Variants in MPRIP observed in about 807,000 individuals in gnomAD.
MPRIP encodes the protein myosin phosphatase Rho-interacting protein.
MPRIP carries 59 observed loss-of-function variants against 234.9 expected under a neutral mutation model. That is an observed-to-expected ratio of 0.25 (90% CI 0.20 to 0.31). The LOEUF (loss-of-function observed/expected upper bound fraction) is 0.31, where lower values mean the gene tolerates loss of function less well. Ranked by LOEUF, MPRIP falls within the 10% of genes least tolerant of loss-of-function variation. MPRIP has a pLI of 1.00. For missense variants in MPRIP, 2,436 were observed against 3,071.0 expected, an observed-to-expected ratio of 0.79 and a Z score of 4.89; for synonymous variants, 1,144 against 1,263.9, an observed-to-expected ratio of 0.91 and a Z score of 2.01.
chr17:17,119,135 G>GTT (rs2090340296), intron 3 of MPRIP, among the ~76,000 whole-genome samples: 1 of 152,198 alleles, frequency 6.6e-6, no homozygotes, highest in African/African-American at 2.4e-5. Context: ...CAAGGGCTGT[G>GTT]TTCCTTCCTG....
intron 1 of MPRIP, among the ~76,000 whole-genome samples, chr17:17,050,314 CAAAAAAAAAAAAA>C (rs66950979): frequency 1.1e-5 from 1 of 92,272 alleles, no homozygotes; most frequent in Non-Finnish European, 2.2e-5. Flanking sequence ...GACTCCGTCT[CAAAAAAAAAAAAA>C]AAAAAAAAGA....
intron 16 of MPRIP, chr17:17,168,807 T>G (rs2046065302): frequency 2.2e-6 from 1 of 454,652 alleles, no homozygotes; most frequent in Non-Finnish European, 4.4e-6. Flanking sequence ...GTTCAGGTGG[T>G]GCCTTCCACG....
chr17:17,156,206 G>C (rs1488412337), intron 13 of MPRIP, among the ~76,000 whole-genome samples: 1 of 152,234 alleles, frequency 6.6e-6, no homozygotes, highest in African/African-American at 2.4e-5. Context: ...GCACATGCCT[G>C]TGCCTGCACA....
Position 17,074,470 on chromosome 17 carries a change from G to C in MPRIP, c.124-1240G>C, listed in dbSNP as rs1348040291. On this transcript the variant is annotated intron_variant, in intron 1 of 23. Transcript: ENST00000651222. ...CACTGTGCTCAGTGTTCTTTGTGCA[G>C]CTTTTTAAGTTGAGCTATAATTCAC... Among the ~76,000 whole-genome samples the C allele has an allele frequency of 3.3e-5, 5 of 152,188 alleles. No individual in the cohort carries two copies. In the East Asian group the frequency reaches 7.7e-4, roughly 23 times the overall value.
In MPRIP at chr17:17,075,706, C is replaced by G. The variant is rs751468270; in HGVS notation, c.124-4C>G. On this transcript the variant is annotated splice_polypyrimidine_tract_variant and splice_region_variant and intron_variant, in intron 1 of 23. Transcript: ENST00000651222. Reference sequence around the variant, plus strand: ...GGTGACCTGCCCTCTTTTTTCTCCTCTAGGCAAAACCCATTTATGGCGGTT... The same window carrying G: ...GGTGACCTGCCCTCTTTTTTCTCCTGTAGGCAAAACCCATTTATGGCGGTT... 6.2e-7 allele frequency: 1 copy of G among 1,614,068 alleles called. No individual in the cohort carries two copies. Among genetic ancestry groups the G allele is most frequent in the Non-Finnish European group, 8.5e-7 (1 of 1,179,944 alleles).
At chr17:17,051,456 G>A (rs1212306731) in intron 1 of MPRIP, among the ~76,000 whole-genome samples, 1 of 152,220 alleles carries the variant, frequency 6.6e-6, no homozygotes, top group African/African-American at 2.4e-5. Context: ...TGGACCAGGT[G>A]GATGGTTTTC....
intron 1 of MPRIP, among the ~76,000 whole-genome samples, chr17:17,070,102 A>G (rs555722323): frequency 5.9e-5 from 9 of 152,272 alleles, no homozygotes; most frequent in African/African-American, 1.9e-4. Flanking sequence ...ATGGTTCCTG[A>G]TAAGAAATCT....
At chr17:17,178,683 G>A (rs2046308957) in intron 22 of MPRIP, 1 of 151,484 alleles carries the variant, frequency 6.6e-6, no homozygotes, top group South Asian at 2.1e-4. Context: ...TGGGAAGCTA[G>A]GTGGGCAGAT....
At position 17,046,645 on chromosome 17, in the gene MPRIP, G is replaced by T. The variant is rs112303009; in HGVS notation, c.123+3674G>T. ...TGTGGATTGCCTGTTCGTATTGCTT[G>T]CCCATTTTTCTGTAAGGTTAGTTTT... On this transcript the variant is annotated intron_variant, in intron 1 of 23. Transcript: ENST00000651222. 8.1e-3 allele frequency among the ~76,000 whole-genome samples: 1,230 copies of T among 152,110 alleles called. 17 individuals are homozygous for T. The highest frequency in any genetic ancestry group is 0.028 in the African/African-American group (1,158 of 41,498).
In MPRIP at chr17:17,156,229, G is replaced by C. The variant is rs1284294335; in HGVS notation, c.1829+1814G>C. On this transcript the variant is annotated intron_variant, in intron 13 of 23. Coordinates refer to ENST00000651222, the MANE Select transcript of MPRIP (RefSeq NM_001364716.4). ...CTGTGCCTGCACACAGCTCAGGAGAGGCGCCTCCACGCTTGAGTGCCTGCT... is the reference window on the plus strand; with the variant it reads ...CTGTGCCTGCACACAGCTCAGGAGACGCGCCTCCACGCTTGAGTGCCTGCT... 3.9e-5 allele frequency among the ~76,000 whole-genome samples: 6 copies of C among 152,232 alleles called. No homozygotes were observed. In the East Asian group the frequency reaches 1.2e-3, roughly 29 times the overall value.
At chr17:17,134,196 C>T (rs1286928560) in intron 5 of MPRIP, among the ~76,000 whole-genome samples, 1 of 152,236 alleles carries the variant, frequency 6.6e-6, no homozygotes, top group Non-Finnish European at 1.5e-5. Flanking sequence ...TGCCATGCTC[C>T]GTGTTCCTGC....
chr17:17,153,366 G>A (rs1018905152), intron 12 of MPRIP, among the ~76,000 whole-genome samples: 1 of 152,084 alleles, frequency 6.6e-6, no homozygotes, highest in Non-Finnish European at 1.5e-5. Flanking sequence ...AGCAGCTCTC[G>A]GTTCAAGGCT....
At chr17:17,087,998 A>G (rs2089630226) in intron 3 of MPRIP, among the ~76,000 whole-genome samples, 1 of 152,218 alleles carries the variant, frequency 6.6e-6, no homozygotes, top group Admixed American at 6.5e-5. Context: ...CAGGGCTATA[A>G]TGAGATACCC....
rs1422407288 is a variant in MPRIP at position 17,165,942 on chromosome 17, A to G, written c.4351A>G (p.Arg1451Gly). 3.8e-5 allele frequency: 49 copies of G among 1,304,062 alleles called. No homozygotes were observed. The highest frequency in any genetic ancestry group is 4.7e-5 in the Non-Finnish European group (46 of 988,914). The allele number at this position is 1,304,062 out of a possible 1,614,324, so 80.8% of individuals were successfully genotyped here. ...ACTGGCCTCCCAGCTGGAGCAGGAGAGGCAGGAGAGGGCCAGGAGGGTTGA... is the reference window on the plus strand; with the variant it reads ...ACTGGCCTCCCAGCTGGAGCAGGAGGGGCAGGAGAGGGCCAGGAGGGTTGA... ...GALASQLEQE[R>G]QERARRVEGH... Residue 1451 changes from arginine (R) to glycine (G), a missense_variant, in exon 16 of 24, where the codon AGG (arginine) becomes GGG (glycine). Arg to Gly is a moderately radical substitution (Grantham distance 125). Around this residue, in one of 4 missense-constraint regions of MPRIP, gnomAD observed 1,998 missense variants for 2,520.3 expected, o/e 0.79. Coordinates refer to ENST00000651222, the MANE Select transcript of MPRIP (RefSeq NM_001364716.4).
At chr17:17,149,137 A>G (rs1053362650) in intron 11 of MPRIP, among the ~76,000 whole-genome samples, 9 of 152,196 alleles carry the variant, frequency 5.9e-5, no homozygotes, top group Non-Finnish European at 1.2e-4. Context: ...ATTGCAGTTA[A>G]CCTTTAAGAG....
In MPRIP at chr17:17,164,362, A is replaced by G; in HGVS notation, c.2771A>G (p.Lys924Arg). 2 of 1,298,696 alleles carry G rather than the reference A, an allele frequency of 1.5e-6. No homozygotes were observed. Among genetic ancestry groups the G allele is most frequent in the African/African-American group, 1.5e-5 (1 of 65,964 alleles). The allele number at this position is 1,298,696 out of a possible 1,614,324, so 80.4% of individuals were successfully genotyped here. Residue 924 changes from lysine (K) to arginine (R), a missense_variant, in exon 16 of 24, where the codon AAG (lysine) becomes AGG (arginine). Lys to Arg is a conservative substitution (Grantham distance 26). Coordinates refer to ENST00000651222, the MANE Select transcript of MPRIP (RefSeq NM_001364716.4). ...AIKEQALAKL[K>R]GDLKREQGRV... ...AAGGAGCAGGCGCTGGCCAAGCTCAAGGGCGACCTGAAGCGGGAGCAGGGC... is the reference window on the plus strand; with the variant it reads ...AAGGAGCAGGCGCTGGCCAAGCTCAGGGGCGACCTGAAGCGGGAGCAGGGC...
chr17:17,145,397 T>C (rs2045438264), intron 9 of MPRIP, among the ~76,000 whole-genome samples: 1 of 152,252 alleles, frequency 6.6e-6, no homozygotes, highest in Non-Finnish European at 1.5e-5. Context: ...ATGGCAGTGC[T>C]GTCTCAGGCT....
At chr17:17,112,786 G>A (rs551861481) in intron 3 of MPRIP, among the ~76,000 whole-genome samples, 1 of 152,330 alleles carries the variant, frequency 6.6e-6, no homozygotes, top group Non-Finnish European at 1.5e-5. Context: ...GGCGTTGAGG[G>A]GGAGGGAGGG....
At chr17:17,132,748 AG>A (rs1484624629) in intron 5 of MPRIP, among the ~76,000 whole-genome samples, 3 of 152,016 alleles carry the variant, frequency 2.0e-5, no homozygotes, top group Admixed American at 1.3e-4. Flanking sequence ...TCCTGGGGTC[AG>A]GGAGGCAGGT....
Sources: allele counts gnomAD v4.1 joint callset (sites outside exome capture counted in the v4.1 genomes callset), GRCh38; gene constraint gnomAD v4.1.1; regional missense constraint gnomAD v4.1.1; transcripts MANE v1.5; gene names NCBI Gene and HGNC (gene_info 2026-07-23, HGNC 2026-07-21).